Variants in BANK1 observed in about 807,000 individuals in gnomAD.
The protein encoded by BANK1 is B-cell scaffold protein with ankyrin repeats.
A neutral mutation model predicts 94.5 loss-of-function variants in BANK1; 95 were observed. That is an observed-to-expected ratio of 1.00 (90% CI 0.85 to 1.19). The LOEUF (loss-of-function observed/expected upper bound fraction) is 1.19. BANK1 is among the 50% of genes most tolerant of loss of function. BANK1 has a pLI of 0.00. For missense variants in BANK1, 987 were observed against 932.2 expected, an observed-to-expected ratio of 1.06 and a Z score of -0.77; for synonymous variants, 334 against 308.4, an observed-to-expected ratio of 1.08 and a Z score of -0.87.
At chr4:101,815,080 C>T (rs564529637) in intron 1 of BANK1, among the ~76,000 whole-genome samples, 1 of 152,064 alleles carries the variant, frequency 6.6e-6, no homozygotes, top group African/African-American at 2.4e-5. Flanking sequence ...GCCTTTGTTA[C>T]TGATGAAGTT....
At chr4:102,063,989 C>T (rs927443978) in intron 13 of BANK1, among the ~76,000 whole-genome samples, 5 of 152,034 alleles carry the variant, frequency 3.3e-5, no homozygotes, top group African/African-American at 9.7e-5. Context: ...CTAAGCCAAT[C>T]AAACATTATT....
intron 7 of BANK1, among the ~76,000 whole-genome samples, chr4:102,007,154 A>ATATAAAAAATATAT (rs1167740380): frequency 3.5e-4 from 40 of 113,462 alleles, no homozygotes; most frequent in African/African-American, 1.3e-3. Flanking sequence ...TTTTATATAT[A>ATATAAAAAATATAT]TATATATATA....
chr4:101,842,211 T>C lies in BANK1; in HGVS notation c.469+12005T>C, dbSNP rs980716085. On this transcript the variant is annotated intron_variant, in intron 2 of 16. Transcript: ENST00000322953. ...GTGGGGAAGAATCTGGTAGAACCCATGTTGCGTCAGAACACTGGCTTCTCC... is the reference window on the plus strand; with the variant it reads ...GTGGGGAAGAATCTGGTAGAACCCACGTTGCGTCAGAACACTGGCTTCTCC... Among the ~76,000 whole-genome samples the C allele has an allele frequency of 5.9e-5, 9 of 152,222 alleles. No individual in the cohort carries two copies. In the East Asian group the frequency reaches 1.5e-3, roughly 26 times the overall value.
Position 101,808,931 on chromosome 4 carries a change from C to A in BANK1, c.70+17981C>A, listed in dbSNP as rs562133836. Among the ~76,000 whole-genome samples, 22 of 152,246 alleles carry A rather than the reference C, an allele frequency of 1.4e-4. No homozygotes were observed. In the South Asian group the frequency reaches 3.5e-3, roughly 24 times the overall value. ...AAACTAGTATAACCACTATGGAAAA[C>A]AGTATGGAGAGTCCTTAAAGAACTA... On this transcript the variant is annotated intron_variant, in intron 1 of 16. Coordinates refer to ENST00000322953, the MANE Select transcript of BANK1 (RefSeq NM_017935.5).
rs1399741890 is a variant in BANK1 at position 101,947,365 on chromosome 4, A to T, written c.1206+29176A>T. Among the ~76,000 whole-genome samples, 4 of 146,306 alleles carry T rather than the reference A, an allele frequency of 2.7e-5. No homozygotes were observed. In the East Asian group the frequency reaches 8.2e-4, roughly 30 times the overall value. On this transcript the variant is annotated intron_variant, in intron 7 of 16. Transcript: ENST00000322953. ...ATCATATTCAGGAGTGACACTCTTCATCTGGTAAAGGATTGAATTGATCAG... is the reference window on the plus strand; with the variant it reads ...ATCATATTCAGGAGTGACACTCTTCTTCTGGTAAAGGATTGAATTGATCAG...
chr4:101,916,197 T>C (rs1482934281), intron 6 of BANK1, among the ~76,000 whole-genome samples: 5 of 152,084 alleles, frequency 3.3e-5, no homozygotes, highest in African/African-American at 1.2e-4. Flanking sequence ...ATTTCATAAA[T>C]TAGGAAACTG....
At chr4:101,834,590 G>A (rs1342047828) in intron 2 of BANK1, among the ~76,000 whole-genome samples, 1 of 152,040 alleles carries the variant, frequency 6.6e-6, no homozygotes, top group African/African-American at 2.4e-5. Context: ...TTATGTTTAT[G>A]TTGCCAATCA....
At chr4:101,906,113 A>C (rs1722438744) in intron 6 of BANK1, among the ~76,000 whole-genome samples, 1 of 152,148 alleles carries the variant, frequency 6.6e-6, no homozygotes, top group African/African-American at 2.4e-5. Context: ...CCTGAATGGA[A>C]GTTTTATCTG....
intron 1 of BANK1, among the ~76,000 whole-genome samples, chr4:101,825,892 T>C (rs1726347636): frequency 1.3e-5 from 2 of 152,050 alleles, no homozygotes; most frequent in Non-Finnish European, 2.9e-5. Context: ...TGAGAAAGAC[T>C]ACCTGTGTAA....
intron 5 of BANK1, among the ~76,000 whole-genome samples, chr4:101,875,446 T>C (rs549277684): frequency 2.0e-5 from 3 of 152,154 alleles, no homozygotes; most frequent in South Asian, 2.1e-4. Context: ...CTTACAATCA[T>C]GGTGGAAGAT....
chr4:101,854,500 T>A (rs1202749630), intron 2 of BANK1, among the ~76,000 whole-genome samples: 1 of 152,182 alleles, frequency 6.6e-6, no homozygotes, highest in Non-Finnish European at 1.5e-5. Context: ...TTCCATAGAA[T>A]GCATTAACAT....
chr4:101,801,891 C>T (rs994368303), intron 1 of BANK1, among the ~76,000 whole-genome samples: 6 of 152,134 alleles, frequency 3.9e-5, no homozygotes, highest in Non-Finnish European at 8.8e-5. Flanking sequence ...CTCATTGTGT[C>T]AAATATACTT....
chr4:102,025,499 C>T lies in BANK1; in HGVS notation c.1584C>T (p.Phe528=), dbSNP rs778770887. Residue 528 remains phenylalanine, a synonymous_variant, in exon 9 of 17, where the codon TTC becomes TTT. Transcript: ENST00000322953. ...ANAFQLERPH[F]TLPGTMVEGQ... ...CCTTCCAACTGGAAAGACCTCACTT[C>T]ACCTTACCAGGTAAGTTTAAGGTTA... The T allele has an allele frequency of 1.9e-6, 3 of 1,611,940 alleles. No individual in the cohort carries two copies. Among genetic ancestry groups the T allele is most frequent in the South Asian group, 2.2e-5 (2 of 91,056 alleles).
At chr4:102,034,166 T>C (rs985286386) in intron 10 of BANK1, among the ~76,000 whole-genome samples, 1 of 152,144 alleles carries the variant, frequency 6.6e-6, no homozygotes, top group African/African-American at 2.4e-5. Flanking sequence ...ATCAGTATAT[T>C]GGTGTATTCA....
chr4:101,850,899 G>A (rs1237320709), intron 2 of BANK1, among the ~76,000 whole-genome samples: 1 of 152,000 alleles, frequency 6.6e-6, no homozygotes, highest in Non-Finnish European at 1.5e-5. Flanking sequence ...TCACTGACTG[G>A]GTATTCCCCC....
At chr4:101,922,009 C>CGTGTGTGT (rs68027862) in intron 7 of BANK1, among the ~76,000 whole-genome samples, 2,157 of 129,400 alleles carry the variant, frequency 0.017, 28 homozygotes, top group East Asian at 0.047. Flanking sequence ...ACACTGGGCC[C>CGTGTGTGT]GTGTGTGTGT....
intron 1 of BANK1, among the ~76,000 whole-genome samples, chr4:101,803,404 C>T (rs1725421141): frequency 6.6e-6 from 1 of 152,052 alleles, no homozygotes; most frequent in Non-Finnish European, 1.5e-5. Context: ...CACAATTTTT[C>T]TATTTCTTAA....
intron 11 of BANK1, among the ~76,000 whole-genome samples, chr4:102,051,065 A>G (rs1384482148): frequency 6.6e-6 from 1 of 152,170 alleles, no homozygotes; most frequent in African/African-American, 2.4e-5. Context: ...TCTGTGTTCT[A>G]TAAGTGTGCA....
At chr4:101,850,106 A>C (rs189409850) in intron 2 of BANK1, among the ~76,000 whole-genome samples, 1 of 152,344 alleles carries the variant, frequency 6.6e-6, no homozygotes, top group African/African-American at 2.4e-5. Context: ...TATATTTTTA[A>C]GGGTGTGTTC....
Sources: gnomAD v4.1 joint callset for allele counts (sites outside exome capture counted in the v4.1 genomes callset) on GRCh38, gnomAD v4.1.1 for gene constraint, MANE v1.5 for transcripts, NCBI Gene and HGNC (gene_info 2026-07-23, HGNC 2026-07-21) for gene names.